The following ADGRF3 variants were observed in gnomAD, a reference collection of about 807,000 sequenced individuals.
ADGRF3 encodes the protein G protein-coupled receptor 113.
A neutral mutation model predicts 93.2 loss-of-function variants in ADGRF3; 85 were observed. The observed-to-expected ratio is 0.91, with a 90% CI of 0.77 to 1.09. The LOEUF (loss-of-function observed/expected upper bound fraction) is 1.09. ADGRF3 is among the 50% of genes least tolerant of loss of function. The probability of loss-of-function intolerance (pLI) is 0.00; values close to 1 mark genes in which losing one functional copy is unlikely to be tolerated. For missense variants in ADGRF3, 1,125 were observed against 1,246.2 expected, an observed-to-expected ratio of 0.90 and a Z score of 1.46; for synonymous variants, 534 against 532.5, an observed-to-expected ratio of 1.00 and a Z score of -0.04.
At chr2:26,314,018 G>C in intron 6 of ADGRF3, 115 bp from the exon 7 acceptor site, 1 of 1,307,280 alleles carries the variant, frequency 7.6e-7, no homozygotes. Flanking sequence ...AGGAAGCAGT[G>C]GGGAAGAGCC....
chr2:26,322,712 C>T (rs1675220665), intron 1 of ADGRF3, among the ~76,000 whole-genome samples: 1 of 152,100 alleles, frequency 6.6e-6, no homozygotes, highest in Non-Finnish European at 1.5e-5. Context: ...TCAAATCAAT[C>T]AATCAATAAA....
At chr2:26,313,330 G>A (rs778266103) in intron 8 of ADGRF3, 47 bp downstream of exon 8, 1 of 1,500,614 alleles carries the variant, frequency 6.7e-7, no homozygotes, top group Non-Finnish European at 8.9e-7. Context: ...AGAGAGGCTA[G>A]GGTGGGCCGT....
Position 26,315,634 on chromosome 2 carries a change from C to A in ADGRF3, c.606G>T (p.Arg202Ser). 1 of 1,551,554 alleles carries A rather than the reference C, an allele frequency of 6.4e-7. No homozygotes were observed. The highest frequency in any genetic ancestry group is 1.7e-4 in the Middle Eastern group (1 of 5,952). Residue 202 changes from arginine to serine, a missense_variant, in exon 5 of 14, where the codon AGG becomes AGT. Transcript: ENST00000651242. ...QEATNLSWFLRHPGSPSPILL... is the reference protein window; with the variant it reads ...QEATNLSWFLSHPGSPSPILL... ...GGATGGGACTGGGGCTCCCTGGGTG[C>A]CTCAGGAACCAGCTCAGGTTGGTGG... is the stretch of plus-strand genomic sequence containing the variant.
intron 12 of ADGRF3, 73 bp downstream of exon 12, chr2:26,309,970 C>T: frequency 1.2e-6 from 2 of 1,614,016 alleles, no homozygotes; most frequent in Non-Finnish European, 1.7e-6. Flanking sequence ...CCCATGTCCT[C>T]TGAGGAGGGC....
intron 1 of ADGRF3, among the ~76,000 whole-genome samples, chr2:26,320,224 C>T (rs1410156976): frequency 6.6e-6 from 1 of 152,198 alleles, no homozygotes; most frequent in Admixed American, 6.5e-5. Context: ...TGGGCGTGCA[C>T]GGTGGCTCAC....
chr2:26,328,181 A>G (rs1343473782), intron 1 of ADGRF3, among the ~76,000 whole-genome samples: 1 of 152,188 alleles, frequency 6.6e-6, no homozygotes, highest in Non-Finnish European at 1.5e-5. Flanking sequence ...GGTTTCTAAA[A>G]CAAAATCCAC....
intron 1 of ADGRF3, among the ~76,000 whole-genome samples, chr2:26,323,817 C>T (rs538757455): frequency 7.9e-5 from 12 of 152,012 alleles, no homozygotes; most frequent in East Asian, 7.8e-4. Flanking sequence ...TTAGTAGAGA[C>T]GGGATTTCAC....
rs527586641 is a variant in ADGRF3 at position 26,345,304 on chromosome 2, T to C, written c.114+817A>G. Among the ~76,000 whole-genome samples the C allele has an allele frequency of 1.6e-4, 24 of 152,292 alleles. No individual in the cohort carries two copies. The East Asian group carries it at 4.0e-3, about 26-fold the overall frequency. On this transcript the variant is annotated intron_variant, in intron 1 of 13. Coordinates refer to ENST00000651242, the MANE Select transcript of ADGRF3 (RefSeq NM_001321971.2). Reference sequence around the variant, plus strand: ...GATCTAGTGTTTTTTGTTTGTTTGTTTGTTTTACAATTAACTGGGCTCCAG... The same window carrying C: ...GATCTAGTGTTTTTTGTTTGTTTGTCTGTTTTACAATTAACTGGGCTCCAG...
In ADGRF3 at chr2:26,313,058, C is replaced by T; in HGVS notation, c.1334G>A (p.Gly445Glu). 6.2e-7 allele frequency: 1 copy of T among 1,614,028 alleles called. No individual in the cohort carries two copies. The highest frequency in any genetic ancestry group is 2.2e-5 in the East Asian group (1 of 44,886). ...EVPQILAQLP[G>E]QAAEASSPSD... ...GGGTGAACTTGCCTCTGCCGCCTGC[C>T]CTGGCAGCTGTGCCAGGATCTGTGG... Residue 445 changes from glycine (G) to glutamate (E), a missense_variant, in exon 9 of 14, where the codon GGG becomes GAG. Gly to Glu is a moderately conservative substitution (Grantham distance 98). Transcript: ENST00000651242.
intron 1 of ADGRF3, among the ~76,000 whole-genome samples, chr2:26,344,727 G>C (rs758427309): frequency 5.3e-5 from 8 of 152,160 alleles, no homozygotes; most frequent in Admixed American, 1.3e-4. Context: ...TAGCTACTTG[G>C]GAGACGGAAG....
At chr2:26,314,668 G>A (rs768721435) in intron 5 of ADGRF3, 45 bp from the exon 6 acceptor site, 29 of 1,516,426 alleles carry the variant, frequency 1.9e-5, no homozygotes, top group Non-Finnish European at 2.4e-5. Flanking sequence ...TCTGGGCCCC[G>A]CTGCACCACA....
chr2:26,313,688 G>C (rs894770894), intron 7 of ADGRF3, 72 bp downstream of exon 7: 4 of 1,591,942 alleles, frequency 2.5e-6, no homozygotes, highest in Non-Finnish European at 3.4e-6. Context: ...GCAGAGACGT[G>C]CCATGCAAGA....
At chr2:26,319,519 C>T (rs1344491935) in intron 1 of ADGRF3, among the ~76,000 whole-genome samples, 2 of 129,422 alleles carry the variant, frequency 1.5e-5, no homozygotes, top group African/African-American at 2.6e-5. Context: ...CTAGAATCCT[C>T]CCTCCCTCCC....
At chr2:26,342,462 T>G (rs1303175597) in intron 1 of ADGRF3, among the ~76,000 whole-genome samples, 2 of 152,208 alleles carry the variant, frequency 1.3e-5, no homozygotes, top group Non-Finnish European at 2.9e-5. Context: ...ACCTCCAATA[T>G]TTTTTGGCTG....
In ADGRF3 at chr2:26,317,034, TAGACGG is replaced by T. The variant is rs1558388063; in HGVS notation, c.197_202del (p.Ser66_Val67del). 9 of 1,612,314 alleles carry T rather than the reference TAGACGG, an allele frequency of 5.6e-6. No homozygotes were observed. Among genetic ancestry groups the T allele is most frequent in the Non-Finnish European group, 7.6e-6 (9 of 1,179,278 alleles). ...CTTATCTGGAAAGTCCAGATGTACA[TAGACGG>T]AGACCAGCGCTGATTCTACAGGAGC... On this transcript the variant is annotated inframe_deletion, in exon 3 of 14. Coordinates refer to ENST00000651242, the MANE Select transcript of ADGRF3 (RefSeq NM_001321971.2).
At chr2:26,314,683 C>T in intron 5 of ADGRF3, 60 bp from the exon 6 acceptor site, 1 of 1,457,794 alleles carries the variant, frequency 6.9e-7, no homozygotes, top group Admixed American at 1.9e-5. Context: ...ACCACAGAAT[C>T]TCTGCTGCTT....
At chr2:26,313,995 A>T in intron 6 of ADGRF3, 92 bp from the exon 7 acceptor site, 1 of 1,497,036 alleles carries the variant, frequency 6.7e-7, no homozygotes, top group Non-Finnish European at 9.1e-7. Context: ...TCTTTCTAGC[A>T]ATTCAGAAAC....
In ADGRF3 at chr2:26,346,191, C is replaced by T. The variant is rs377643812; in HGVS notation, c.44G>A (p.Gly15Asp). The part of the protein sequence containing the change: ...KLSAHSAATP[G>D]YKAVTHKHHT... ...GTGCTTGTGTGTCACAGCCTTGTAG[C>T]CGGGAGTCGCTGCCGAGTGGGCGCT... The change falls in exon 1 of 14, where the codon GGC becomes GAC. Residue 15 changes from glycine (G) to aspartate (D), a missense_variant. Physicochemically the swap from Gly to Asp is moderately conservative, Grantham distance 94. Transcript: ENST00000651242. 333 of 1,613,204 alleles carry T rather than the reference C, an allele frequency of 2.1e-4. 5 individuals are homozygous for T. The South Asian group carries it at 3.5e-3, about 17-fold the overall frequency.
chr2:26,310,345 A>G (rs746172317), intron 10 of ADGRF3, 108 bp from the exon 11 acceptor site: 1 of 1,254,522 alleles, frequency 8.0e-7, no homozygotes, highest in Admixed American at 2.1e-5. Flanking sequence ...TCTCATCTCA[A>G]TTTTTCTGTT....
Sources: allele counts gnomAD v4.1 joint callset (sites outside exome capture counted in the v4.1 genomes callset), GRCh38; gene constraint gnomAD v4.1.1; transcripts MANE v1.5; gene names NCBI Gene and HGNC (gene_info 2026-07-23, HGNC 2026-07-21).